Variants in SLC39A14 observed in about 807,000 individuals in gnomAD.
SLC39A14 encodes the protein solute carrier family 39 member 14.
Under a neutral mutation model 45.5 loss-of-function variants are expected in SLC39A14, and 19 were observed. The ratio of observed to expected loss-of-function variants is 0.42; its 90% confidence interval spans 0.29 to 0.61. The LOEUF (loss-of-function observed/expected upper bound fraction) is 0.61. Among genes scored for constraint, SLC39A14 ranks in the 20% least tolerant of loss-of-function variants. The pLI, the probability that SLC39A14 is intolerant of heterozygous loss-of-function variation, is 0.22. For missense variants in SLC39A14, 447 were observed against 616.5 expected (o/e 0.73, Z 2.91); for synonymous variants, 264 against 251.3 (o/e 1.05, Z -0.48).
At chr8:22,374,112 T>C (rs1264667432) in intron 1 of SLC39A14, among the ~76,000 whole-genome samples, 2 of 152,168 alleles carry the variant, frequency 1.3e-5, no homozygotes, top group Non-Finnish European at 2.9e-5. Flanking sequence ...TTTAAATAAA[T>C]AGAACCTGCA....
intron 1 of SLC39A14, among the ~76,000 whole-genome samples, chr8:22,383,461 G>A (rs1833621548): frequency 6.6e-6 from 1 of 152,176 alleles, no homozygotes; most frequent in Admixed American, 6.5e-5. Flanking sequence ...GGGAGCAAGT[G>A]GGGTGGGGTA....
rs1268410547 is a variant in SLC39A14, at chr8:22,382,296, A to G, written c.-16+14888A>G. ...GTAATTTTTAACCTATCAAATTATAAAGACGGAATAATTTAATACTCAGTA... is the reference window on the plus strand; with the variant it reads ...GTAATTTTTAACCTATCAAATTATAGAGACGGAATAATTTAATACTCAGTA... On this transcript the variant is annotated intron_variant, in intron 1 of 8. Transcript: ENST00000381237. Among the ~76,000 whole-genome samples, 3 of 152,228 alleles carry G rather than the reference A, an allele frequency of 2.0e-5. No homozygotes were observed. In the East Asian group the frequency reaches 5.8e-4, roughly 29 times the overall value.
intron 1 of SLC39A14, among the ~76,000 whole-genome samples, chr8:22,403,728 GC>G (rs1285816785): frequency 6.6e-6 from 1 of 151,592 alleles, no homozygotes; most frequent in Non-Finnish European, 1.5e-5. Context: ...AGACGAGCGG[GC>G]AAATATGGTG....
At position 22,408,360 on chromosome 8, in the gene SLC39A14, G is replaced by A. The variant is rs138114438; in HGVS notation, c.321G>A (p.Ser107=). 9.2e-5 allele frequency: 149 copies of A among 1,614,082 alleles called. 1 individual carries two copies. Among genetic ancestry groups the A allele is most frequent in the Non-Finnish European group, 1.2e-4 (140 of 1,180,042 alleles). Residue 107 remains serine (S), a synonymous_variant, in exon 3 of 9, where the codon TCG becomes TCA. Transcript: ENST00000381237. ...LFTAHNFSEQ[S]RIGSSELQEF... ...CTGCCCACAATTTCAGCGAGCAGTC[G>A]CGGATTGGGAGCAGCGAGCTCCAGG...
chr8:22,422,622 T>A lies in SLC39A14; in HGVS notation c.*2924T>A, dbSNP rs187571607. 1 of 982,486 alleles carries A rather than the reference T, an allele frequency of 1.0e-6. No individual in the cohort carries two copies. Among genetic ancestry groups the A allele is most frequent in the Admixed American group, 6.1e-5 (1 of 16,292 alleles). The allele number at this position is 982,486 out of a possible 1,614,324, so 60.9% of individuals were successfully genotyped here. ...AATTAGAAAAGAAAATTAACTTATG[T>A]GGACTGTAAATGTTTTATTTGTAAG... On this transcript the variant is annotated 3_prime_UTR_variant, in exon 9 of 9. Coordinates refer to ENST00000381237, the MANE Select transcript of SLC39A14 (RefSeq NM_001128431.4).
At chr8:22,373,329 C>T (rs1833034800) in intron 1 of SLC39A14, among the ~76,000 whole-genome samples, 1 of 151,634 alleles carries the variant, frequency 6.6e-6, no homozygotes, top group South Asian at 2.1e-4. Flanking sequence ...AAAGAATGGC[C>T]TTGTTAGCAT....
intron 1 of SLC39A14, among the ~76,000 whole-genome samples, chr8:22,386,823 CAG>C (rs1156484940): frequency 1.3e-5 from 2 of 152,184 alleles, no homozygotes; most frequent in Admixed American, 6.5e-5. Flanking sequence ...TCTTCAGATT[CAG>C]AGAGTCCTTC....
intron 8 of SLC39A14, among the ~76,000 whole-genome samples, chr8:22,419,351 T>C (rs1418774650): frequency 6.6e-6 from 1 of 152,146 alleles, no homozygotes; most frequent in African/African-American, 2.4e-5. Flanking sequence ...GCCCAGCTAA[T>C]TTTTATGTTT....
chr8:22,415,010 A>G, intron 5 of SLC39A14, 108 bp downstream of exon 5: 1 of 1,304,182 alleles, frequency 7.7e-7, no homozygotes, highest in South Asian at 1.4e-5. Flanking sequence ...CAATATCACA[A>G]TTTCCGTGAA....
At chr8:22,388,024 C>T (rs994893432) in intron 1 of SLC39A14, among the ~76,000 whole-genome samples, 4 of 152,254 alleles carry the variant, frequency 2.6e-5, no homozygotes, top group South Asian at 2.1e-4. Flanking sequence ...TTTATATATG[C>T]GTTTGCACGG....
At chr8:22,385,361 C>T (rs142947157) in intron 1 of SLC39A14, among the ~76,000 whole-genome samples, 39 of 152,276 alleles carry the variant, frequency 2.6e-4, no homozygotes, top group African/African-American at 7.9e-4. Context: ...AGTCTCTGCC[C>T]TCCTGGAGCT....
Position 22,422,630 on chromosome 8 carries a change from A to G in SLC39A14, c.*2932A>G. 1 of 982,358 alleles carries G rather than the reference A, an allele frequency of 1.0e-6. No individual in the cohort carries two copies. Among genetic ancestry groups the G allele is most frequent in the Non-Finnish European group, 1.2e-6 (1 of 827,014 alleles). The allele number at this position is 982,358 out of a possible 1,614,324, so 60.9% of individuals were successfully genotyped here. A position where few individuals can be genotyped will look rare whatever the true frequency, so the allele number is the denominator to read the frequency against. ...AAGAAAATTAACTTATGTGGACTGT[A>G]AATGTTTTATTTGTAAGATTCTATA... On this transcript the variant is annotated 3_prime_UTR_variant, in exon 9 of 9. Coordinates refer to ENST00000381237, the MANE Select transcript of SLC39A14 (RefSeq NM_001128431.4).
chr8:22,399,754 G>C (rs572156864), intron 1 of SLC39A14, among the ~76,000 whole-genome samples: 1 of 152,374 alleles, frequency 6.6e-6, no homozygotes, highest in East Asian at 1.9e-4. Context: ...CCGAGGGGCC[G>C]CTGGGTCTGG....
At chr8:22,376,002 A>C (rs1468910690) in intron 1 of SLC39A14, among the ~76,000 whole-genome samples, 1 of 152,114 alleles carries the variant, frequency 6.6e-6, no homozygotes, top group Admixed American at 6.5e-5. Context: ...CAATATTTTC[A>C]CTAATGTCCA....
intron 1 of SLC39A14, among the ~76,000 whole-genome samples, chr8:22,386,080 C>T (rs1833774852): frequency 1.3e-5 from 2 of 151,968 alleles, no homozygotes; most frequent in Admixed American, 6.6e-5. Context: ...GTTGGAACTA[C>T]AGGTGTGCAC....
intron 8 of SLC39A14, among the ~76,000 whole-genome samples, chr8:22,430,989 CTCTTTTT>C (rs1554523827): frequency 1.0e-4 from 15 of 148,054 alleles, no homozygotes; most frequent in East Asian, 4.0e-4. Flanking sequence ...TCCCAATTCC[CTCTTTTT>C]TTTTTTTTTT....
In SLC39A14 at chr8:22,369,743, C is replaced by A. The variant is rs560988515; in HGVS notation, c.-16+2335C>A. On this transcript the variant is annotated intron_variant, in intron 1 of 8. Coordinates refer to ENST00000381237, the MANE Select transcript of SLC39A14 (RefSeq NM_001128431.4). ...GAAATTTCTTAACTTCTGTTCTCAC[C>A]AGCTTGCAGGATGTCGTGATTTTGC... Among the ~76,000 whole-genome samples, 9 of 152,288 alleles carry A rather than the reference C, an allele frequency of 5.9e-5. No homozygotes were observed. In the South Asian group the frequency reaches 1.9e-3, roughly 32 times the overall value.
At chr8:22,410,788 A>G (rs113656119) in intron 3 of SLC39A14, among the ~76,000 whole-genome samples, 3 of 152,308 alleles carry the variant, frequency 2.0e-5, no homozygotes, top group Non-Finnish European at 4.4e-5. Context: ...TTTAATTGTT[A>G]TCATAGAGGA....
At chr8:22,387,693 C>G (rs1833862496) in intron 1 of SLC39A14, among the ~76,000 whole-genome samples, 1 of 152,194 alleles carries the variant, frequency 6.6e-6, no homozygotes, top group South Asian at 2.1e-4. Context: ...TGATATGAGC[C>G]AGAAGCCTCT....
Sources: gnomAD v4.1 joint callset for allele counts (sites outside exome capture counted in the v4.1 genomes callset) on GRCh38, gnomAD v4.1.1 for gene constraint, MANE v1.5 for transcripts, NCBI Gene and HGNC (gene_info 2026-07-23, HGNC 2026-07-21) for gene names.